Variants in PRKG1 observed in about 807,000 individuals in gnomAD.
The protein encoded by PRKG1 is cGMP-dependent protein kinase 1.
Under a neutral mutation model 88.1 loss-of-function variants are expected in PRKG1, and 35 were observed. The observed-to-expected ratio is 0.40, with a 90% CI of 0.30 to 0.53. The LOEUF (loss-of-function observed/expected upper bound fraction) is 0.53, where lower values mean the gene tolerates loss of function less well. Among genes scored for constraint, PRKG1 ranks in the 20% least tolerant of loss-of-function variants. The probability of loss-of-function intolerance (pLI) is 0.59; values close to 1 mark genes in which losing one functional copy is unlikely to be tolerated. For missense variants in PRKG1, 540 were observed against 839.8 expected (o/e 0.64, Z 4.41); for synonymous variants, 303 against 292.5 (o/e 1.04, Z -0.37).
chr10:51,406,779 T>A (rs1372362904), intron 2 of PRKG1, among the ~76,000 whole-genome samples: 2 of 152,198 alleles, frequency 1.3e-5, no homozygotes, highest in Non-Finnish European at 2.9e-5. Context: ...ATGGGTTATT[T>A]CATGTAACCC....
At chr10:51,822,122 T>C in intron 4 of PRKG1, among the ~76,000 whole-genome samples, 1 of 152,080 alleles carries the variant, frequency 6.6e-6, no homozygotes, top group East Asian at 1.9e-4. Context: ...CACACATATA[T>C]ATAACATATG....
intron 2 of PRKG1, among the ~76,000 whole-genome samples, chr10:51,165,253 TAAAG>T (rs1273311507): frequency 1.3e-5 from 2 of 152,084 alleles, no homozygotes; most frequent in African/African-American, 4.8e-5. Context: ...TCAACATTCT[TAAAG>T]AAAAGAATTT....
intron 1 of PRKG1, among the ~76,000 whole-genome samples, chr10:51,119,993 T>A (rs1234534222): frequency 6.6e-6 from 1 of 152,124 alleles, no homozygotes; most frequent in East Asian, 1.9e-4. Flanking sequence ...CTTCAGTGGG[T>A]TCTCCATATA....
intron 3 of PRKG1, among the ~76,000 whole-genome samples, chr10:51,648,350 T>C (rs984675101): frequency 6.6e-6 from 1 of 152,238 alleles, no homozygotes; most frequent in African/African-American, 2.4e-5. Flanking sequence ...TTGAACAGAC[T>C]ATTAATTCTT....
At chr10:51,876,237 C>A (rs1841296636) in intron 4 of PRKG1, among the ~76,000 whole-genome samples, 1 of 152,104 alleles carries the variant, frequency 6.6e-6, no homozygotes, top group Non-Finnish European at 1.5e-5. Context: ...CACACACACA[C>A]ACACACAGAG....
At chr10:51,004,931 C>G (rs1842926139) in intron 1 of PRKG1, among the ~76,000 whole-genome samples, 1 of 152,064 alleles carries the variant, frequency 6.6e-6, no homozygotes, top group South Asian at 2.1e-4. Context: ...ATAACAAATT[C>G]CAAGTCTCTC....
chr10:51,952,323 T>G (rs1159694011), intron 5 of PRKG1, among the ~76,000 whole-genome samples: 1 of 152,212 alleles, frequency 6.6e-6, no homozygotes, highest in Admixed American at 6.5e-5. Flanking sequence ...AATGTGCATT[T>G]TCATCAGGCA....
intron 2 of PRKG1, among the ~76,000 whole-genome samples, chr10:51,221,433 T>C (rs1838526921): frequency 6.6e-6 from 1 of 152,110 alleles, no homozygotes; most frequent in Non-Finnish European, 1.5e-5. Context: ...GATAAGTTTC[T>C]AAATCTCTCT....
chr10:51,290,265 G>A (rs1435188558), intron 2 of PRKG1, among the ~76,000 whole-genome samples: 1 of 151,972 alleles, frequency 6.6e-6, no homozygotes, highest in Non-Finnish European at 1.5e-5. Flanking sequence ...AAAAAGACGA[G>A]TAACAAAGAA....
chr10:51,556,312 A>C (rs185439559), intron 3 of PRKG1, among the ~76,000 whole-genome samples: 1 of 152,092 alleles, frequency 6.6e-6, no homozygotes, highest in East Asian at 1.9e-4. Flanking sequence ...TATTGTATAT[A>C]CTATATGATA....
At chr10:51,627,167 T>C (rs1315065790) in intron 3 of PRKG1, among the ~76,000 whole-genome samples, 3 of 152,004 alleles carry the variant, frequency 2.0e-5, no homozygotes, top group Non-Finnish European at 4.4e-5. Flanking sequence ...AATAAATCAG[T>C]TGGAGGAGAG....
chr10:52,073,830 C>T (rs1165179048), intron 7 of PRKG1, among the ~76,000 whole-genome samples: 1 of 152,162 alleles, frequency 6.6e-6, no homozygotes, highest in East Asian at 1.9e-4. Context: ...TTAGAGAAAA[C>T]ATAATGCATA....
chr10:51,042,459 G>C (rs952165831), intron 1 of PRKG1, among the ~76,000 whole-genome samples: 5 of 152,110 alleles, frequency 3.3e-5, no homozygotes, highest in African/African-American at 1.2e-4. Context: ...GCCAAACTGA[G>C]CTACTTTCAT....
intron 3 of PRKG1, among the ~76,000 whole-genome samples, chr10:51,730,391 T>C (rs1283976111): frequency 1.3e-5 from 2 of 152,222 alleles, no homozygotes; most frequent in Non-Finnish European, 2.9e-5. Context: ...GTTTGACTGA[T>C]GACTGAGAAG....
At chr10:52,034,158 T>C (rs80173530) in intron 5 of PRKG1, among the ~76,000 whole-genome samples, 1 of 152,092 alleles carries the variant, frequency 6.6e-6, no homozygotes, top group African/African-American at 2.4e-5. Flanking sequence ...GGCGTACATG[T>C]GCAAATCACA....
chr10:51,780,847 A>C (rs1838568923), intron 3 of PRKG1, among the ~76,000 whole-genome samples: 1 of 152,184 alleles, frequency 6.6e-6, no homozygotes, highest in South Asian at 2.1e-4. Context: ...CCATTTGTAA[A>C]CCAAGAAGAT....
At chr10:52,110,274 G>A (rs1184650369) in intron 7 of PRKG1, among the ~76,000 whole-genome samples, 1 of 152,102 alleles carries the variant, frequency 6.6e-6, no homozygotes, top group Non-Finnish European at 1.5e-5. Context: ...CGTGCTTGCA[G>A]TGAGCGGAGA....
At chr10:51,259,252 T>A (rs7901396) in intron 2 of PRKG1, among the ~76,000 whole-genome samples, 5,768 of 152,272 alleles carry the variant, frequency 0.038, 356 homozygotes, top group African/African-American at 0.13. Context: ...TTCATGAGAA[T>A]GAGGTTTTAG....
intron 9 of PRKG1, among the ~76,000 whole-genome samples, chr10:52,164,299 C>T (rs1444923072): frequency 1.3e-5 from 2 of 152,068 alleles, no homozygotes; most frequent in African/African-American, 4.8e-5. Context: ...TGCCGTGAGC[C>T]AAGACCGCGC....
Sources: gnomAD v4.1 joint callset for allele counts (sites outside exome capture counted in the v4.1 genomes callset) on GRCh38, gnomAD v4.1.1 for gene constraint, MANE v1.5 for transcripts, NCBI Gene and HGNC (gene_info 2026-07-23, HGNC 2026-07-21) for gene names.